The following EZR variants were observed in gnomAD, a reference collection of about 807,000 sequenced individuals.
EZR encodes the protein cytovillin 2.
EZR carries 40 observed loss-of-function variants against 74.8 expected under a neutral mutation model. The ratio of observed to expected loss-of-function variants is 0.53; its 90% CI spans 0.42 to 0.70. The LOEUF (loss-of-function observed/expected upper bound fraction) is 0.70, where lower values mean the gene tolerates loss of function less well. Ranked by LOEUF, EZR falls within the 30% of genes least tolerant of loss-of-function variation. EZR has a pLI of 0.00. For missense variants in EZR, 678 were observed against 755.8 expected, an observed-to-expected ratio of 0.90 and a Z score of 1.21; for synonymous variants, 341 against 283.3, an observed-to-expected ratio of 1.20 and a Z score of -2.05.
At chr6:158,780,359 A>G (rs1013206627) in intron 7 of EZR, among the ~76,000 whole-genome samples, 1 of 152,238 alleles carries the variant, frequency 6.6e-6, no homozygotes, top group African/African-American at 2.4e-5. Flanking sequence ...TCAAAAGAAC[A>G]AAACATAACC....
chr6:158,794,976 C>T (rs571075016), intron 2 of EZR, among the ~76,000 whole-genome samples: 4 of 152,270 alleles, frequency 2.6e-5, no homozygotes, highest in Middle Eastern at 3.4e-3. Flanking sequence ...CTAGGCCAGG[C>T]GCAGTGGCTC....
intron 2 of EZR, among the ~76,000 whole-genome samples, chr6:158,816,677 G>A (rs557662039): frequency 1.3e-5 from 2 of 152,010 alleles, no homozygotes; most frequent in East Asian, 1.9e-4. Context: ...TCATCTTGAT[G>A]TAACTTAGGC....
chr6:158,769,039 G>A (rs1791010535), intron 12 of EZR, among the ~76,000 whole-genome samples: 1 of 152,204 alleles, frequency 6.6e-6, no homozygotes, highest in Non-Finnish European at 1.5e-5. Flanking sequence ...ACAGTTCGGG[G>A]TGGAGGGAGC....
At chr6:158,805,350 A>G (rs1488841550) in intron 2 of EZR, among the ~76,000 whole-genome samples, 3 of 37,156 alleles carry the variant, frequency 8.1e-5, no homozygotes, top group East Asian at 2.8e-4. Flanking sequence ...AAAAAAAAAA[A>G]AAAAAAAAAA....
At chr6:158,797,037 G>T (rs963671037) in intron 2 of EZR, among the ~76,000 whole-genome samples, 4 of 152,044 alleles carry the variant, frequency 2.6e-5, no homozygotes, top group Admixed American at 2.6e-4. Flanking sequence ...TATTTCCCAG[G>T]TATTTTCCTC....
At chr6:158,774,672 AACACAC>A (rs56400693) in intron 8 of EZR, among the ~76,000 whole-genome samples, 13,487 of 142,446 alleles carry the variant, frequency 0.095, 646 homozygotes, top group Middle Eastern at 0.13. Flanking sequence ...CTTATCATCA[AACACAC>A]ACACACACAC....
intron 2 of EZR, among the ~76,000 whole-genome samples, chr6:158,798,356 G>C (rs1446506186): frequency 6.6e-6 from 1 of 152,208 alleles, no homozygotes; most frequent in African/African-American, 2.4e-5. Context: ...GAAACAAAAT[G>C]AATTTTTAAA....
At chr6:158,800,179 T>C (rs531843035) in intron 2 of EZR, among the ~76,000 whole-genome samples, 4 of 152,314 alleles carry the variant, frequency 2.6e-5, no homozygotes, top group African/African-American at 7.2e-5. Context: ...AAAACATTAT[T>C]AGAGAAGTAA....
chr6:158,794,997 T>A (rs1325082493), intron 2 of EZR, among the ~76,000 whole-genome samples: 1 of 152,194 alleles, frequency 6.6e-6, no homozygotes, highest in Non-Finnish European at 1.5e-5. Flanking sequence ...ACACCTGTAA[T>A]CACAGCACTC....
At chr6:158,803,431 C>T (rs1459896030) in intron 2 of EZR, among the ~76,000 whole-genome samples, 1 of 149,430 alleles carries the variant, frequency 6.7e-6, no homozygotes, top group African/African-American at 2.5e-5. Flanking sequence ...GGCTCTTTAA[C>T]ATTACTCCTA....
chr6:158,808,256 T>C (rs754432993), intron 2 of EZR, among the ~76,000 whole-genome samples: 7 of 152,172 alleles, frequency 4.6e-5, no homozygotes, highest in Non-Finnish European at 1.0e-4. Context: ...GTGGAGGCTG[T>C]TAGGGGGAGT....
At chr6:158,818,316 T>C (rs1008959188) in intron 1 of EZR, 150 bp from the exon 2 acceptor site, 12 of 291,760 alleles carry the variant, frequency 4.1e-5, no homozygotes, top group Non-Finnish European at 6.2e-5. Flanking sequence ...ACTGCGGGCA[T>C]GGGGAGGGGG....
At chr6:158,798,963 T>A (rs986881270) in intron 2 of EZR, among the ~76,000 whole-genome samples, 11 of 152,186 alleles carry the variant, frequency 7.2e-5, no homozygotes, top group Non-Finnish European at 1.3e-4. Context: ...CCCAGCACTC[T>A]AATTACAAAA....
chr6:158,794,706 A>G (rs1296062232), intron 2 of EZR, among the ~76,000 whole-genome samples: 1 of 152,142 alleles, frequency 6.6e-6, no homozygotes, highest in Non-Finnish European at 1.5e-5. Flanking sequence ...CGTGTAGTAC[A>G]GGTGTGTGTA....
In EZR at chr6:158,818,121, C is replaced by G; in HGVS notation, c.-28G>C. 6.2e-7 allele frequency: 1 copy of G among 1,607,108 alleles called. No individual in the cohort carries two copies. Among genetic ancestry groups the G allele is most frequent in the Non-Finnish European group, 8.5e-7 (1 of 1,175,356 alleles). ...TCGGTTTCTGGTGAGTATCCTCGAT[C>G]CCCGAAAACACGACTATCCAGCAGC... On this transcript the variant is annotated 5_prime_UTR_variant, in exon 2 of 14. Coordinates refer to ENST00000367075, the MANE Select transcript of EZR (RefSeq NM_001111077.2).
At chr6:158,803,172 TG>T (rs1777225522) in intron 2 of EZR, among the ~76,000 whole-genome samples, 1 of 146,096 alleles carries the variant, frequency 6.8e-6, no homozygotes, top group African/African-American at 2.6e-5. Context: ...GACACAGAAG[TG>T]GGGGCTGGGA....
rs1417493693 is a variant in EZR at position 158,767,656 on chromosome 6, C to G, written c.1345-144G>C. ...GGCTGTGGCTTCGAAGAGGAGCACC[C>G]TCAGGGTGCATGGGGGGTTTACAAC... On this transcript the variant is annotated intron_variant, in intron 12 of 13. Transcript: ENST00000367075. 3 of 796,978 alleles carry G rather than the reference C, an allele frequency of 3.8e-6. No individual in the cohort carries two copies. The Admixed American group carries it at 9.8e-5, about 26-fold the overall frequency. 49.4% of individuals were successfully genotyped at this position (796,978 alleles called of 1,614,324 possible). A position where few individuals can be genotyped will look rare whatever the true frequency, so the allele number is the denominator to read the frequency against.
At chr6:158,775,776 T>C (rs1791259153) in intron 8 of EZR, among the ~76,000 whole-genome samples, 1 of 152,254 alleles carries the variant, frequency 6.6e-6, no homozygotes, top group Non-Finnish European at 1.5e-5. Flanking sequence ...AAAGTTTAAA[T>C]GTCAGCAGAA....
chr6:158,776,611 A>G, intron 7 of EZR, 107 bp from the exon 8 acceptor site: 1 of 764,828 alleles, frequency 1.3e-6, no homozygotes, highest in Non-Finnish European at 2.1e-6. Context: ...AAATAATATG[A>G]AGCTAACCCA....
Sources: gnomAD v4.1 joint callset for allele counts (sites outside exome capture counted in the v4.1 genomes callset) on GRCh38, gnomAD v4.1.1 for gene constraint, MANE v1.5 for transcripts, NCBI Gene and HGNC (gene_info 2026-07-23, HGNC 2026-07-21) for gene names.